The following MYO16 variants were observed in gnomAD, a reference collection of about 807,000 sequenced individuals.
MYO16 encodes unconventional myosin-XVI.
In MYO16, 94 loss-of-function variants were observed where a neutral mutation model predicts 205.3. The observed-to-expected ratio is 0.46, with a 90% CI of 0.39 to 0.54. The LOEUF (loss-of-function observed/expected upper bound fraction) is 0.54, where lower values mean the gene tolerates loss of function less well. Among genes scored for constraint, MYO16 ranks in the 20% least tolerant of loss-of-function variants. MYO16 has a pLI of 0.00. For synonymous variants in MYO16, 988 were observed against 954.0 expected (o/e 1.04, Z -0.66); for missense variants, 2,315 against 2,387.5 (o/e 0.97, Z 0.63).
intron 5 of MYO16, among the ~76,000 whole-genome samples, chr13:108,789,355 C>T (rs971087369): frequency 6.6e-6 from 1 of 152,148 alleles, no homozygotes; most frequent in Non-Finnish European, 1.5e-5. Context: ...TTCTATTTTA[C>T]ATTACTACAG....
chr13:108,831,168 G>T (rs9555519), intron 9 of MYO16, among the ~76,000 whole-genome samples: 35,678 of 151,890 alleles, frequency 0.23, 4,920 homozygotes, highest in East Asian at 0.66. Flanking sequence ...TCACTTTGAG[G>T]ATTGGGTTTC....
chr13:109,105,929 G>A, intron 28 of MYO16, among the ~76,000 whole-genome samples: 1 of 152,200 alleles, frequency 6.6e-6, no homozygotes, highest in East Asian at 1.9e-4. Flanking sequence ...AGGAAAATCA[G>A]GATGTAGTGG....
At chr13:108,633,774 T>G (rs1425980720) in intron 1 of MYO16, among the ~76,000 whole-genome samples, 1 of 152,200 alleles carries the variant, frequency 6.6e-6, no homozygotes. Context: ...GAACACCACC[T>G]CCAGTAAAAT....
intron 16 of MYO16, among the ~76,000 whole-genome samples, chr13:108,915,436 C>G (rs1881454793): frequency 6.6e-6 from 1 of 152,100 alleles, no homozygotes. Context: ...TGCTTGTTAC[C>G]AAAAGTTTCT....
At chr13:108,881,456 A>C (rs1487117698) in intron 12 of MYO16, among the ~76,000 whole-genome samples, 3 of 152,238 alleles carry the variant, frequency 2.0e-5, no homozygotes, top group Admixed American at 1.3e-4. Flanking sequence ...TGACGAGTTG[A>C]GAGAAGAAGG....
intron 4 of MYO16, among the ~76,000 whole-genome samples, chr13:108,734,013 G>A (rs1218806608): frequency 1.3e-5 from 2 of 152,174 alleles, no homozygotes; most frequent in Non-Finnish European, 2.9e-5. Flanking sequence ...CTTATTTAAG[G>A]TAGTGTGTTC....
At chr13:108,753,919 A>C (rs1051804628) in intron 4 of MYO16, among the ~76,000 whole-genome samples, 1 of 152,236 alleles carries the variant, frequency 6.6e-6, no homozygotes, top group African/African-American at 2.4e-5. Flanking sequence ...ACAGTTGACA[A>C]TGTGTGTGTG....
At chr13:109,199,444 G>T (rs543388650) in intron 34 of MYO16, among the ~76,000 whole-genome samples, 1 of 151,708 alleles carries the variant, frequency 6.6e-6, no homozygotes, top group African/African-American at 2.4e-5. Context: ...CTTGCCTTCT[G>T]GTTCTAAAAG....
intron 1 of MYO16, among the ~76,000 whole-genome samples, chr13:108,603,021 A>G (rs1878822005): frequency 6.6e-6 from 1 of 152,226 alleles, no homozygotes; most frequent in Admixed American, 6.5e-5. Context: ...TAATGAGCCT[A>G]TTGAAAAGTA....
rs1057454326 is a variant in MYO16 at position 108,712,513 on chromosome 13, T to A, written c.293-148T>A. 3.7e-5 allele frequency: 26 copies of A among 698,670 alleles called. No homozygotes were observed. The African/African-American group carries it at 4.3e-4, about 12-fold the overall frequency. 43.3% of individuals were successfully genotyped at this position (698,670 alleles called of 1,614,324 possible). On this transcript the variant is annotated intron_variant, in intron 2 of 34. Coordinates refer to ENST00000457511, the MANE Select transcript of MYO16 (RefSeq NM_001198950.3). ...TGACAAGAAACACCACCAATCATCATAATAAATAGGGTCAGATGGCACAGA... is the reference window on the plus strand; with the variant it reads ...TGACAAGAAACACCACCAATCATCAAAATAAATAGGGTCAGATGGCACAGA...
At chr13:109,022,990 TTATA>T in intron 23 of MYO16, among the ~76,000 whole-genome samples, 1 of 135,002 alleles carries the variant, frequency 7.4e-6, no homozygotes, top group South Asian at 2.3e-4. Flanking sequence ...AGGTATATAT[TTATA>T]TATTATATAT....
chr13:108,554,454 A>T, the MYO16 span, among the ~76,000 whole-genome samples: 7,439 of 152,224 alleles, frequency 0.049, 559 homozygotes, highest in African/African-American at 0.16. Context: ...TCATTCAAGC[A>T]CTGGCCATGT....
chr13:108,972,249 C>CTATATA (rs1158879237), intron 20 of MYO16, among the ~76,000 whole-genome samples: 95 of 2,848 alleles, frequency 0.033, 7 homozygotes, highest in Middle Eastern at 0.12. Context: ...CTCTCTCTCT[C>CTATATA]TATATATATA....
intron 9 of MYO16, among the ~76,000 whole-genome samples, chr13:108,838,277 C>A (rs945954859): frequency 4.6e-5 from 7 of 151,886 alleles, no homozygotes; most frequent in Non-Finnish European, 8.8e-5. Flanking sequence ...ATACATGCAG[C>A]GTGTTTAGAA....
intron 6 of MYO16, among the ~76,000 whole-genome samples, chr13:108,794,463 T>G (rs1017048010): frequency 4.6e-5 from 7 of 152,212 alleles, no homozygotes; most frequent in African/African-American, 1.7e-4. Flanking sequence ...ACTTAGTCCA[T>G]GTAGTTTTTG....
chr13:108,517,054 T>C, the MYO16 span, among the ~76,000 whole-genome samples: 1 of 152,168 alleles, frequency 6.6e-6, no homozygotes, highest in South Asian at 2.1e-4. Flanking sequence ...CCTTACCTTC[T>C]GAGCAGCTGG....
intron 10 of MYO16, among the ~76,000 whole-genome samples, chr13:108,845,436 G>T (rs1269834733): frequency 6.6e-6 from 1 of 152,210 alleles, no homozygotes; most frequent in South Asian, 2.1e-4. Context: ...AAGGTGCAGG[G>T]TGCCTTCCCA....
At chr13:108,555,394 A>G in the MYO16 span, among the ~76,000 whole-genome samples, 1 of 152,246 alleles carries the variant, frequency 6.6e-6, no homozygotes, top group Non-Finnish European at 1.5e-5. Flanking sequence ...AGCCAACATC[A>G]TAAAGGTAGT....
chr13:108,604,772 C>T (rs147741408), intron 1 of MYO16, among the ~76,000 whole-genome samples: 2 of 152,266 alleles, frequency 1.3e-5, no homozygotes, highest in East Asian at 1.9e-4. Flanking sequence ...AACTTAATTG[C>T]AACTGTGTTT....
Sources: allele counts gnomAD v4.1 joint callset (sites outside exome capture counted in the v4.1 genomes callset), GRCh38; gene constraint gnomAD v4.1.1; transcripts MANE v1.5; gene names NCBI Gene and HGNC (gene_info 2026-07-23, HGNC 2026-07-21).